Variants in CNTLN observed in about 807,000 individuals in gnomAD.
CNTLN encodes centlein.
A neutral mutation model predicts 180.0 loss-of-function variants in CNTLN; 212 were observed. The observed-to-expected ratio is 1.18, with a 90% CI of 1.05 to 1.32. The LOEUF (loss-of-function observed/expected upper bound fraction) is 1.32. Ranked by LOEUF, CNTLN falls within the 40% of genes most tolerant of loss-of-function variation. The pLI is 0.00. For missense variants in CNTLN, 2,095 were observed against 1,610.9 expected (o/e 1.30, Z -5.14); for synonymous variants, 722 against 563.1 (o/e 1.28, Z -3.99).
chr9:17,174,698 G>GAAAAA (rs34784210), intron 2 of CNTLN, among the ~76,000 whole-genome samples: 2 of 124,452 alleles, frequency 1.6e-5, no homozygotes, highest in African/African-American at 5.9e-5. Context: ...TCCGTCTCAG[G>GAAAAA]AAAAAAAAAA....
chr9:17,385,628 TC>T (rs549236544), intron 13 of CNTLN, among the ~76,000 whole-genome samples: 1 of 152,286 alleles, frequency 6.6e-6, no homozygotes, highest in African/African-American at 2.4e-5. Context: ...GGGTTCCACA[TC>T]CCTGGATTCA....
At chr9:17,139,682 A>G (rs963170647) in intron 1 of CNTLN, among the ~76,000 whole-genome samples, 1 of 151,866 alleles carries the variant, frequency 6.6e-6, no homozygotes, top group Admixed American at 6.6e-5. Flanking sequence ...GGAATTTTAT[A>G]GTGAGTAATG....
At chr9:17,283,141 T>TA (rs1215229735) in intron 6 of CNTLN, among the ~76,000 whole-genome samples, 3 of 152,202 alleles carry the variant, frequency 2.0e-5, no homozygotes, top group African/African-American at 7.2e-5. Context: ...AATGGTAGTT[T>TA]AATAGGAATA....
At chr9:17,344,929 T>G (rs1821763695) in intron 12 of CNTLN, among the ~76,000 whole-genome samples, 1 of 152,176 alleles carries the variant, frequency 6.6e-6, no homozygotes, top group African/African-American at 2.4e-5. Context: ...TGATTTGTTC[T>G]CCTTCCCTAT....
chr9:17,271,220 C>T (rs55829722), intron 5 of CNTLN, among the ~76,000 whole-genome samples: 29,874 of 151,864 alleles, frequency 0.2, 3,594 homozygotes, highest in African/African-American at 0.33. Context: ...GGATTACAGG[C>T]GTGAGCCACC....
intron 18 of CNTLN, among the ~76,000 whole-genome samples, chr9:17,422,049 C>T (rs1008580716): frequency 6.6e-6 from 1 of 152,102 alleles, no homozygotes; most frequent in African/African-American, 2.4e-5. Context: ...TTGTAGAACT[C>T]CCTTTAGCAT....
chr9:17,392,706 A>AT (rs972143503), intron 14 of CNTLN, among the ~76,000 whole-genome samples: 27 of 152,134 alleles, frequency 1.8e-4, no homozygotes, highest in African/African-American at 6.3e-4. Flanking sequence ...ATTAGGTGAG[A>AT]TTCTTCATAC....
intron 7 of CNTLN, chr9:17,298,605 T>C: frequency 9.3e-7 from 1 of 1,075,424 alleles, no homozygotes. Flanking sequence ...TTTTTATAAA[T>C]TGGCATTCAG....
intron 2 of CNTLN, among the ~76,000 whole-genome samples, chr9:17,193,199 C>T (rs1224591992): frequency 6.6e-6 from 1 of 152,098 alleles, no homozygotes; most frequent in African/African-American, 2.4e-5. Flanking sequence ...TATCATTCCA[C>T]CCCGGCCCCT....
At chr9:17,295,073 T>C in intron 6 of CNTLN, among the ~76,000 whole-genome samples, 1 of 151,808 alleles carries the variant, frequency 6.6e-6, no homozygotes, top group Non-Finnish European at 1.5e-5. Flanking sequence ...GCTGCTGGCC[T>C]GGGTGCTAAG....
intron 19 of CNTLN, among the ~76,000 whole-genome samples, chr9:17,458,775 G>A (rs571036335): frequency 9.2e-5 from 14 of 151,702 alleles, no homozygotes; most frequent in South Asian, 4.1e-4. Flanking sequence ...ATCTTCTTTA[G>A]TCAATTTATG....
rs117511774 is a variant in CNTLN, at chr9:17,339,326, C to G, written c.1645-1501C>G. Among the ~76,000 whole-genome samples, 169 of 152,286 alleles carry G rather than the reference C, an allele frequency of 1.1e-3. 5 individuals are homozygous for G. In the East Asian group the frequency reaches 0.03, roughly 27 times the overall value. On this transcript the variant is annotated intron_variant, in intron 10 of 25. Coordinates refer to ENST00000380647, the MANE Select transcript of CNTLN (RefSeq NM_017738.4). ...TAGATGAGAGGTCAAGAAACAGTTA[C>G]TTGGTTTCTAAAAGATAAGGGCATC...
At chr9:17,510,747 ATCTG>A in the CNTLN span, among the ~76,000 whole-genome samples, 1 of 152,184 alleles carries the variant, frequency 6.6e-6, no homozygotes, top group Non-Finnish European at 1.5e-5. Context: ...CTCAGAATAA[ATCTG>A]TCTGTTTCCC....
chr9:17,352,417 T>TA (rs1491260148), intron 12 of CNTLN, among the ~76,000 whole-genome samples: 1,345 of 11,964 alleles, frequency 0.11, 13 homozygotes, highest in East Asian at 0.33. Context: ...TATATATATA[T>TA]TTTTTTTTTT....
chr9:17,356,699 A>G (rs1822878187), intron 12 of CNTLN, among the ~76,000 whole-genome samples: 1 of 152,170 alleles, frequency 6.6e-6, no homozygotes, highest in African/African-American at 2.4e-5. Context: ...CACTATAAGT[A>G]AAATATTTAG....
At chr9:17,383,647 T>C (rs1564054965) in intron 13 of CNTLN, among the ~76,000 whole-genome samples, 3 of 152,136 alleles carry the variant, frequency 2.0e-5, no homozygotes, top group Admixed American at 1.3e-4. Context: ...ACATGAATTT[T>C]TTTTTTTTGA....
intron 12 of CNTLN, among the ~76,000 whole-genome samples, chr9:17,364,590 A>T (rs1823656465): frequency 6.6e-6 from 1 of 152,036 alleles, no homozygotes; most frequent in Non-Finnish European, 1.5e-5. Flanking sequence ...TTATTCTCTT[A>T]TCTCTATTTT....
chr9:17,475,252 T>A (rs1222274976), intron 23 of CNTLN, among the ~76,000 whole-genome samples: 1 of 149,072 alleles, frequency 6.7e-6, no homozygotes, highest in Non-Finnish European at 1.5e-5. Flanking sequence ...TCTAAATCAT[T>A]ATTGACCTTA....
At chr9:17,354,154 G>A (rs551394712) in intron 12 of CNTLN, among the ~76,000 whole-genome samples, 2 of 152,300 alleles carry the variant, frequency 1.3e-5, no homozygotes, top group African/African-American at 4.8e-5. Context: ...TTCTCACAGA[G>A]CCTTAGGTGC....
Sources: gnomAD v4.1 joint callset for allele counts (sites outside exome capture counted in the v4.1 genomes callset) on GRCh38, gnomAD v4.1.1 for gene constraint, MANE v1.5 for transcripts, NCBI Gene and HGNC (gene_info 2026-07-23, HGNC 2026-07-21) for gene names.